The following RAB3C variants were observed in gnomAD, a reference collection of about 807,000 sequenced individuals.
RAB3C encodes the protein RAB3C, member RAS oncogene family.
Under a neutral mutation model 26.4 loss-of-function variants are expected in RAB3C, and 17 were observed. The ratio of observed to expected loss-of-function variants is 0.64; its 90% CI spans 0.44 to 0.97. RAB3C has a LOEUF of 0.97. Ranked by LOEUF, RAB3C falls within the 50% of genes least tolerant of loss-of-function variation. RAB3C has a pLI of 0.00. For missense variants in RAB3C, 242 were observed against 281.9 expected, an observed-to-expected ratio of 0.86 and a Z score of 1.01; for synonymous variants, 91 against 95.9, an observed-to-expected ratio of 0.95 and a Z score of 0.30.
chr5:58,582,936 T>C (rs531334943), upstream of RAB3C: 6 of 794,664 alleles, frequency 7.6e-6, no homozygotes, highest in East Asian at 9.2e-5. Context: ...GCCTGTTTAA[T>C]GGTTTGCTTG....
At chr5:58,660,980 CCT>C (rs1747893276) in intron 2 of RAB3C, among the ~76,000 whole-genome samples, 1 of 146,350 alleles carries the variant, frequency 6.8e-6, no homozygotes, top group Non-Finnish European at 1.5e-5. Flanking sequence ...GAACTAACAG[CCT>C]CTCTCACACA....
At chr5:58,749,327 A>G (rs1243550013) in intron 3 of RAB3C, among the ~76,000 whole-genome samples, 1 of 152,206 alleles carries the variant, frequency 6.6e-6, no homozygotes, top group African/African-American at 2.4e-5. Flanking sequence ...GTTCTGTGTG[A>G]ATTTTATTTT....
At position 58,810,522 on chromosome 5, in the gene RAB3C, A is replaced by G. The variant is rs142131102; in HGVS notation, c.372-14516A>G. ...AATATTGGACACTTCCTTCTAAAGC[A>G]GTGATAGAAGGATACTGGTATACTT... On this transcript the variant is annotated intron_variant, in intron 3 of 4. Transcript: ENST00000282878. 2.8e-3 allele frequency among the ~76,000 whole-genome samples: 420 copies of G among 152,216 alleles called. 1 individual carries two copies. Among genetic ancestry groups the G allele is most frequent in the African/African-American group, 9.5e-3 (395 of 41,528 alleles).
Position 58,739,548 on chromosome 5 carries a change from TA to T in RAB3C, c.371+13437del, listed in dbSNP as rs976158604. On this transcript the variant is annotated intron_variant, in intron 3 of 4. Coordinates refer to ENST00000282878, the MANE Select transcript of RAB3C (RefSeq NM_138453.4). Reference sequence around the variant, plus strand: ...ATAAAGAGACATTAAAGGAAACTATTAAAAAAAAATTAGAAAAAACAGCACA... The same window carrying T: ...ATAAAGAGACATTAAAGGAAACTATTAAAAAAAATTAGAAAAAACAGCACA... Among the ~76,000 whole-genome samples, 437 of 151,612 alleles carry T rather than the reference TA, an allele frequency of 2.9e-3. 2 individuals are homozygous for T. The highest frequency in any genetic ancestry group is 8.4e-3 in the African/African-American group (348 of 41,344).
chr5:58,770,788 T>A (rs1742015718), intron 3 of RAB3C, among the ~76,000 whole-genome samples: 1 of 152,126 alleles, frequency 6.6e-6, no homozygotes. Context: ...TTTTTTACTT[T>A]ACATGTGTTA....
chr5:58,725,968 TC>T (rs1172019392), intron 2 of RAB3C, 33 bp from the exon 3 acceptor site: 1 of 1,283,382 alleles, frequency 7.8e-7, no homozygotes, highest in East Asian at 2.4e-5. Flanking sequence ...TTGCCTTATT[TC>T]TGAGAGATTA....
chr5:58,851,236 T>C lies in RAB3C; in HGVS notation c.569T>C (p.Ile190Thr), dbSNP rs372158408. ...VKQTFERLVD[I>T]ICDKMSESLE... Reference sequence around the variant, plus strand: ...CAGACATTTGAGCGCCTTGTGGATATCATCTGCGACAAAATGTCAGAGAGT... The same window carrying C: ...CAGACATTTGAGCGCCTTGTGGATACCATCTGCGACAAAATGTCAGAGAGT... Residue 190 changes from isoleucine to threonine, a missense_variant, in exon 5 of 5, where the codon ATC becomes ACC. By Grantham distance (89) the Ile-to-Thr change is moderately conservative. Coordinates refer to ENST00000282878, the MANE Select transcript of RAB3C (RefSeq NM_138453.4). The C allele has an allele frequency of 3.1e-6, 5 of 1,613,868 alleles. No individual in the cohort carries two copies. The African/African-American group carries it at 5.3e-5, about 17-fold the overall frequency.
At chr5:58,822,875 G>C (rs1191334143) in intron 3 of RAB3C, 1 of 638,984 alleles carries the variant, frequency 1.6e-6, no homozygotes, top group Non-Finnish European at 3.0e-6. Flanking sequence ...TGAAGGCCAA[G>C]TGGAGATGAC....
intron 2 of RAB3C, 85 bp from the exon 3 acceptor site, chr5:58,725,917 G>A: frequency 2.6e-6 from 2 of 767,556 alleles, no homozygotes; most frequent in Non-Finnish European, 4.3e-6. Context: ...AGACTCTATT[G>A]TGACTCTTTT....
rs375156771 is a variant in RAB3C, at chr5:58,820,516, A to G, written c.372-4522A>G. Among the ~76,000 whole-genome samples, 11 of 152,260 alleles carry G rather than the reference A, an allele frequency of 7.2e-5. 1 individual carries two copies. In the East Asian group the frequency reaches 9.6e-4, roughly 13 times the overall value. On this transcript the variant is annotated intron_variant, in intron 3 of 4. Transcript: ENST00000282878. ...CAAACATTGAACATTTGCAACCCCA[A>G]TTTCAATCATAAAATTAACCAACTC... is the stretch of plus-strand genomic sequence containing the variant.
intron 4 of RAB3C, among the ~76,000 whole-genome samples, chr5:58,829,930 T>C (rs573347338): frequency 6.6e-6 from 1 of 152,158 alleles, no homozygotes; most frequent in African/African-American, 2.4e-5. Context: ...ATAATAATAC[T>C]GCGGAGTCAT....
rs574713368 is a variant in RAB3C, at chr5:58,588,899, T to C, written c.24+5667T>C. Reference sequence around the variant, plus strand: ...TTCCTTCCCAAAGACTCTCTTTTTTTCCCCATATCTTATTGAATAGAATAG... The same window carrying C: ...TTCCTTCCCAAAGACTCTCTTTTTTCCCCCATATCTTATTGAATAGAATAG... On this transcript the variant is annotated intron_variant, in intron 1 of 4. Coordinates refer to ENST00000282878, the MANE Select transcript of RAB3C (RefSeq NM_138453.4). Among the ~76,000 whole-genome samples the C allele has an allele frequency of 4.3e-4, 65 of 152,240 alleles. No homozygotes were observed. In the South Asian group the frequency reaches 0.012, roughly 28 times the overall value.
chr5:58,823,306 G>A (rs889928060), intron 3 of RAB3C: 25 of 195,602 alleles, frequency 1.3e-4, no homozygotes, highest in African/African-American at 4.7e-5. Context: ...GATTGCTTGA[G>A]CCCAGGAGTT....
rs995343543 is a variant in RAB3C, at chr5:58,856,013, C to T, written c.*4662C>T. The T allele has an allele frequency of 7.2e-5, 11 of 152,114 alleles. No individual in the cohort carries two copies. Among genetic ancestry groups the T allele is most frequent in the African/African-American group, 2.7e-4 (11 of 41,398 alleles). 9.4% of individuals were successfully genotyped at this position (152,114 alleles called of 1,614,324 possible). A position where few individuals can be genotyped will look rare whatever the true frequency, so the allele number is the denominator to read the frequency against. On this transcript the variant is annotated 3_prime_UTR_variant, in exon 5 of 5. Coordinates refer to ENST00000282878, the MANE Select transcript of RAB3C (RefSeq NM_138453.4). ...GATTGAAATATTTGCTTTTAGATTA[C>T]ACATACAGTGCTGCCCTTCTCAACA...
At chr5:58,839,848 G>T (rs1743838348) in intron 4 of RAB3C, among the ~76,000 whole-genome samples, 1 of 151,576 alleles carries the variant, frequency 6.6e-6, no homozygotes, top group Non-Finnish European at 1.5e-5. Context: ...TTATGTGAAA[G>T]ATTTTATTTC....
intron 3 of RAB3C, among the ~76,000 whole-genome samples, chr5:58,734,986 A>G (rs1462833181): frequency 2.6e-5 from 4 of 152,200 alleles, no homozygotes; most frequent in Non-Finnish European, 1.5e-5. Context: ...ACAGAAATAT[A>G]CCTTATTTAA....
intron 4 of RAB3C, among the ~76,000 whole-genome samples, chr5:58,836,463 G>A (rs961633122): frequency 1.3e-5 from 2 of 152,090 alleles, no homozygotes; most frequent in African/African-American, 4.8e-5. Flanking sequence ...CAGTGGTACA[G>A]AACACTAGAA....
chr5:58,610,179 A>G (rs113316735), intron 1 of RAB3C, among the ~76,000 whole-genome samples: 3,641 of 68,730 alleles, frequency 0.053, 160 homozygotes, highest in African/African-American at 0.18. Context: ...TCAGAAAAAA[A>G]TGATTTTTGT....
intron 3 of RAB3C, among the ~76,000 whole-genome samples, chr5:58,787,554 G>A (rs192015828): frequency 4.4e-4 from 67 of 152,206 alleles, no homozygotes; most frequent in South Asian, 2.1e-4. Context: ...GAGAGTTTAC[G>A]CTCTTTGGCT....
Sources: allele counts gnomAD v4.1 joint callset (sites outside exome capture counted in the v4.1 genomes callset), GRCh38; gene constraint gnomAD v4.1.1; transcripts MANE v1.5; gene names NCBI Gene and HGNC (gene_info 2026-07-23, HGNC 2026-07-21).